The following GFI1B variants were observed in gnomAD, a reference collection of about 807,000 sequenced individuals.
The protein encoded by GFI1B is zinc finger protein Gfi-1b.
In GFI1B, 20 loss-of-function variants were observed where a neutral mutation model predicts 35.3. The observed-to-expected ratio is 0.57, with a 90% CI of 0.40 to 0.82. GFI1B has a LOEUF of 0.82. Among genes scored for constraint, GFI1B ranks in the 40% least tolerant of loss-of-function variants. GFI1B has a pLI of 0.00. For missense variants in GFI1B, 430 were observed against 446.3 expected (o/e 0.96, Z 0.33); for synonymous variants, 178 against 177.6 (o/e 1.00, Z -0.02).
intron 2 of GFI1B, 117 bp downstream of exon 2, chr9:132,986,895 G>A: frequency 4.3e-6 from 3 of 700,332 alleles, no homozygotes; most frequent in Non-Finnish European, 7.7e-6. Flanking sequence ...CTGGAAACAG[G>A]AGTGCAGTAA....
intron 1 of GFI1B, among the ~76,000 whole-genome samples, chr9:132,947,964 A>T (rs910670099): frequency 2.6e-5 from 4 of 152,126 alleles, no homozygotes; most frequent in Non-Finnish European, 5.9e-5. Context: ...GGCCGCTGGG[A>T]TTGGCCAACA....
chr9:132,974,601 C>CAAAAAAAAAA (rs11243966), upstream of GFI1B, among the ~76,000 whole-genome samples: 11 of 79,820 alleles, frequency 1.4e-4, 1 homozygote, highest in African/African-American at 5.1e-4. Context: ...GAATCCGTCT[C>CAAAAAAAAAA]AAAAAAAAAA....
intron 1 of GFI1B, among the ~76,000 whole-genome samples, chr9:132,971,867 G>C (rs1325521801): frequency 6.6e-6 from 1 of 151,878 alleles, no homozygotes; most frequent in Non-Finnish European, 1.5e-5. Flanking sequence ...CCAGCTACTA[G>C]GGAGGCGAAG....
chr9:132,981,085 G>A (rs928046306), intron 1 of GFI1B, among the ~76,000 whole-genome samples: 18 of 152,152 alleles, frequency 1.2e-4, no homozygotes, highest in African/African-American at 3.9e-4. Context: ...TAGTAGAGGT[G>A]GGGTTTCGCC....
chr9:132,952,759 A>T (rs1425697266), intron 1 of GFI1B: 2 of 152,248 alleles, frequency 1.3e-5, no homozygotes, highest in African/African-American at 4.8e-5. Context: ...AATTTTCTAC[A>T]GTAGGTATGA....
chr9:132,948,810 CG>C (rs1237652351), intron 1 of GFI1B, among the ~76,000 whole-genome samples: 2 of 152,250 alleles, frequency 1.3e-5, no homozygotes, highest in Admixed American at 6.5e-5. Context: ...CCTCTCCCTC[CG>C]CACCAGATGG....
chr9:132,950,841 T>C (rs1261647468), intron 1 of GFI1B, among the ~76,000 whole-genome samples: 3 of 150,586 alleles, frequency 2.0e-5, no homozygotes, highest in African/African-American at 7.4e-5. Flanking sequence ...GTTGTTTGTT[T>C]GTTTGTTTGT....
rs1849284041 is a variant in GFI1B at position 132,991,195 on chromosome 9, G to T, written c.*145G>T. The T allele has an allele frequency of 5.4e-6, 4 of 743,438 alleles. No homozygotes were observed. The East Asian group carries it at 1.1e-4, about 20-fold the overall frequency. 46.1% of individuals were successfully genotyped at this position (743,438 alleles called of 1,614,324 possible). ...TTGTTTTGAGACTCATGAAATTGCT[G>T]TGTGACCTTGGGCAAGTCACTTACC... On this transcript the variant is annotated 3_prime_UTR_variant, in exon 7 of 7. Transcript: ENST00000372122.
intron 1 of GFI1B, among the ~76,000 whole-genome samples, chr9:132,980,630 T>G (rs1464636480): frequency 6.6e-6 from 1 of 152,144 alleles, no homozygotes; most frequent in Non-Finnish European, 1.5e-5. Flanking sequence ...ACAGAACTGT[T>G]TCATCTCATA....
At chr9:132,970,491 T>A (rs1463349068) in intron 1 of GFI1B, among the ~76,000 whole-genome samples, 2 of 152,114 alleles carry the variant, frequency 1.3e-5, no homozygotes, top group East Asian at 3.8e-4. Context: ...AGCACAGAGT[T>A]GCATGCATCC....
intron 1 of GFI1B, among the ~76,000 whole-genome samples, chr9:132,968,876 G>A (rs1372915665): frequency 1.3e-5 from 2 of 151,986 alleles, no homozygotes; most frequent in South Asian, 2.1e-4. Flanking sequence ...GCTTAAGTAC[G>A]TTCATATCAG....
intron 1 of GFI1B, among the ~76,000 whole-genome samples, chr9:132,954,026 T>G (rs953170644): frequency 6.6e-6 from 1 of 152,202 alleles, no homozygotes; most frequent in Admixed American, 6.5e-5. Context: ...TAAATTTTAC[T>G]TCTACATAGG....
chr9:132,971,972 T>A (rs865811966), intron 1 of GFI1B, among the ~76,000 whole-genome samples: 5 of 130,748 alleles, frequency 3.8e-5, no homozygotes, highest in Non-Finnish European at 3.3e-5. Context: ...AGACTCTGTC[T>A]AAAAAAAAAA....
At chr9:132,960,216 A>C (rs1848342516) in intron 1 of GFI1B, among the ~76,000 whole-genome samples, 1 of 152,204 alleles carries the variant, frequency 6.6e-6, no homozygotes, top group African/African-American at 2.4e-5. Flanking sequence ...GAATTTGATC[A>C]ATGGTGATGG....
At position 132,991,180 on chromosome 9, in the gene GFI1B, A is replaced by G. The variant is rs1849283678; in HGVS notation, c.*130A>G. 1 of 822,040 alleles carries G rather than the reference A, an allele frequency of 1.2e-6. No homozygotes were observed. The highest frequency in any genetic ancestry group is 2.0e-6 in the Non-Finnish European group (1 of 503,482). The allele number at this position is 822,040 out of a possible 1,614,324, so 50.9% of individuals were successfully genotyped here. ...CAGGAGTCTACCAGCTTGTTTTGAG[A>G]CTCATGAAATTGCTGTGTGACCTTG... On this transcript the variant is annotated 3_prime_UTR_variant, in exon 7 of 7. Coordinates refer to ENST00000372122, the MANE Select transcript of GFI1B (RefSeq NM_001377304.1).
At chr9:132,971,936 T>A (rs1056474534) in intron 1 of GFI1B, among the ~76,000 whole-genome samples, 1 of 146,144 alleles carries the variant, frequency 6.8e-6, no homozygotes, top group Non-Finnish European at 1.5e-5. Flanking sequence ...ATCATGCCAC[T>A]GTACTCCAGT....
Position 132,989,285 on chromosome 9 carries a change from C to T in GFI1B, c.648+87C>T. ...GCCTGGGGGCTGTGGCTGGGTCCCT[C>T]CCCCTGCCCCTGGGGGTGACACAGA... On this transcript the variant is annotated intron_variant, in intron 5 of 6. Transcript: ENST00000372122. This position sits in a 1 kb window ranked among gnomAD's most constrained non-coding sequence, Gnocchi z 6.2. 7.5e-7 allele frequency: 1 copy of T among 1,331,206 alleles called. No individual in the cohort carries two copies. The highest frequency in any genetic ancestry group is 1.1e-6 in the Non-Finnish European group (1 of 939,436). The allele number at this position is 1,331,206 out of a possible 1,614,324, so 82.5% of individuals were successfully genotyped here.
rs753257069 is a variant in GFI1B, at chr9:132,986,733, C to T, written c.55C>T (p.Arg19Cys). The T allele has an allele frequency of 1.8e-5, 29 of 1,613,018 alleles. No homozygotes were observed. The highest frequency in any genetic ancestry group is 1.7e-4 in the Middle Eastern group (1 of 6,058). ...GAAGGCTCACACCTACCACCAGCCC[C>T]GTGTGCAGGAAGATGAACCGCTCTG... Reference protein sequence around the residue: ...SKKAHTYHQPRVQEDEPLWPP... With the variant: ...SKKAHTYHQPCVQEDEPLWPP... The change falls in exon 2 of 7, where the codon CGT becomes TGT. Residue 19 changes from arginine to cysteine, a missense_variant. Coordinates refer to ENST00000372122, the MANE Select transcript of GFI1B (RefSeq NM_001377304.1).
At chr9:132,952,973 T>C (rs901134816) in intron 1 of GFI1B, 2 of 152,246 alleles carry the variant, frequency 1.3e-5, no homozygotes, top group African/African-American at 4.8e-5. Flanking sequence ...CATGATGTAT[T>C]TTTAAAAATA....
Sources: allele counts gnomAD v4.1 joint callset (sites outside exome capture counted in the v4.1 genomes callset), GRCh38; gene constraint gnomAD v4.1.1; non-coding constraint Gnocchi (gnomAD v3.1); transcripts MANE v1.5; gene names NCBI Gene and HGNC (gene_info 2026-07-23, HGNC 2026-07-21).